Variants in CDH20 observed in about 807,000 individuals in gnomAD.
CDH20 encodes cadherin-20.
Under a neutral mutation model 74.2 loss-of-function variants are expected in CDH20, and 29 were observed. The ratio of observed to expected loss-of-function variants is 0.39; its 90% CI spans 0.29 to 0.53. CDH20 has a LOEUF of 0.53. Ranked by LOEUF, CDH20 falls within the 20% of genes least tolerant of loss-of-function variation. The probability of loss-of-function intolerance (pLI) is 0.69; values close to 1 mark genes in which losing one functional copy is unlikely to be tolerated. For missense variants in CDH20, 988 were observed against 1,048.3 expected, an observed-to-expected ratio of 0.94 and a Z score of 0.79; for synonymous variants, 469 against 405.4, an observed-to-expected ratio of 1.16 and a Z score of -1.88.
intron 8 of CDH20, among the ~76,000 whole-genome samples, chr18:61,537,251 C>A (rs1021860347): frequency 6.6e-6 from 1 of 151,776 alleles, no homozygotes; most frequent in Non-Finnish European, 1.5e-5. Flanking sequence ...AACTAAACAG[C>A]CATTCAGGAG....
At chr18:61,424,170 G>T (rs2144280082) in intron 1 of CDH20, among the ~76,000 whole-genome samples, 1 of 152,306 alleles carries the variant, frequency 6.6e-6, no homozygotes, top group South Asian at 2.1e-4. Context: ...TTGAACCAGA[G>T]CAATTATGAT....
chr18:61,345,224 C>T (rs1345684748), intron 1 of CDH20, among the ~76,000 whole-genome samples: 3 of 152,176 alleles, frequency 2.0e-5, no homozygotes, highest in East Asian at 3.9e-4. Context: ...TGCACTTAAA[C>T]GTTTATGGAA....
At chr18:61,463,361 A>G (rs1381803861) in intron 1 of CDH20, among the ~76,000 whole-genome samples, 1 of 152,178 alleles carries the variant, frequency 6.6e-6, no homozygotes, top group Non-Finnish European at 1.5e-5. Context: ...GGTCTGTGTG[A>G]ATCTCTAAAT....
chr18:61,495,555 C>A lies in CDH20; in HGVS notation c.247-3631C>A, dbSNP rs1006015849. Among the ~76,000 whole-genome samples, 5 of 152,178 alleles carry A rather than the reference C, an allele frequency of 3.3e-5. No homozygotes were observed. In the South Asian group the frequency reaches 6.2e-4, roughly 19 times the overall value. The stretch of plus-strand genomic sequence containing the variant: ...GAGGAGTGACTTGCTCCTCATCACA[C>A]CTACTTCTAAGAGGTCTGAGTCCCA... On this transcript the variant is annotated intron_variant, in intron 2 of 11. Transcript: ENST00000262717.
At chr18:61,423,048 T>C (rs73963092) in intron 1 of CDH20, among the ~76,000 whole-genome samples, 2,405 of 152,332 alleles carry the variant, frequency 0.016, 59 homozygotes, top group African/African-American at 0.055. Context: ...TTTATCATTG[T>C]CAGTTGGTTT....
At chr18:61,358,450 G>A (rs1317575556) in intron 1 of CDH20, among the ~76,000 whole-genome samples, 1 of 152,014 alleles carries the variant, frequency 6.6e-6, no homozygotes, top group Non-Finnish European at 1.5e-5. Context: ...AGCATTTCTT[G>A]ATATTTGAAA....
At position 61,555,082 on chromosome 18, in the gene CDH20, C is replaced by T; in HGVS notation, c.*387C>T. On this transcript the variant is annotated 3_prime_UTR_variant, in exon 12 of 12. Transcript: ENST00000262717. ...AGATGCCAATTGAAAGCAGAAAGTT[C>T]TACTCTCGTATCTGTTTTTTATCTT... is the stretch of plus-strand genomic sequence containing the variant. 9.5e-7 allele frequency: 1 copy of T among 1,048,218 alleles called. No individual in the cohort carries two copies. Among genetic ancestry groups the T allele is most frequent in the Non-Finnish European group, 1.1e-6 (1 of 870,012 alleles). 64.9% of individuals were successfully genotyped at this position (1,048,218 alleles called of 1,614,324 possible). A position where few individuals can be genotyped will look rare whatever the true frequency, so the allele number is the denominator to read the frequency against.
At chr18:61,337,855 G>A (rs146488905) in intron 1 of CDH20, among the ~76,000 whole-genome samples, 51 of 152,172 alleles carry the variant, frequency 3.4e-4, no homozygotes, top group African/African-American at 7.2e-4. Context: ...ATATTGACAC[G>A]GAATATAGAG....
chr18:61,450,591 G>T (rs911076627), intron 1 of CDH20, among the ~76,000 whole-genome samples: 1 of 151,934 alleles, frequency 6.6e-6, no homozygotes, highest in Non-Finnish European at 1.5e-5. Flanking sequence ...TAGAGGTAAT[G>T]CATGTTCACT....
chr18:61,393,172 C>T (rs1034374905), intron 1 of CDH20, among the ~76,000 whole-genome samples: 1 of 152,180 alleles, frequency 6.6e-6, no homozygotes, highest in Non-Finnish European at 1.5e-5. Flanking sequence ...AAGATAGTCT[C>T]ACTTTCCTGA....
At chr18:61,509,224 AAAAC>A (rs1911692493) in intron 6 of CDH20, among the ~76,000 whole-genome samples, 1 of 152,194 alleles carries the variant, frequency 6.6e-6, no homozygotes, top group African/African-American at 2.4e-5. Context: ...AACTTATAGA[AAAAC>A]AAAATTAAAT....
rs781286742 is a variant in CDH20 at position 61,554,696 on chromosome 18, C to A, written c.*1C>A. On this transcript the variant is annotated 3_prime_UTR_variant, in exon 12 of 12. Transcript: ENST00000262717. The stretch of plus-strand genomic sequence containing the variant: ...GGAGGGACCCGCGCCGCTGTGGTGA[C>A]GGAAGCCAGGAGGCAGGCGCGCGTC... The A allele has an allele frequency of 1.9e-6, 3 of 1,557,896 alleles. No homozygotes were observed. Among genetic ancestry groups the A allele is most frequent in the East Asian group, 2.3e-5 (1 of 43,258 alleles).
At chr18:61,519,915 G>C (rs1912133259) in intron 6 of CDH20, among the ~76,000 whole-genome samples, 1 of 144,550 alleles carries the variant, frequency 6.9e-6, no homozygotes, top group Admixed American at 7.0e-5. Flanking sequence ...CAAAATAAAG[G>C]GATGGAGGAA....
At chr18:61,524,968 A>C (rs1184963677) in intron 6 of CDH20, among the ~76,000 whole-genome samples, 10 of 151,962 alleles carry the variant, frequency 6.6e-5, no homozygotes. Context: ...TCTCAAATGC[A>C]TCATGCTAAG....
intron 1 of CDH20, among the ~76,000 whole-genome samples, chr18:61,392,937 G>A (rs1482256943): frequency 2.0e-5 from 3 of 152,104 alleles, no homozygotes; most frequent in Non-Finnish European, 2.9e-5. Context: ...AGAAACAAGA[G>A]GGCAGTCTCA....
intron 1 of CDH20, among the ~76,000 whole-genome samples, chr18:61,463,536 A>C (rs1321992326): frequency 6.6e-6 from 1 of 152,144 alleles, no homozygotes; most frequent in Non-Finnish European, 1.5e-5. Flanking sequence ...AGGGCATAAG[A>C]GGGGTGAAGG....
chr18:61,354,052 AAAG>A (rs1484092727), intron 1 of CDH20, among the ~76,000 whole-genome samples: 1 of 147,152 alleles, frequency 6.8e-6, no homozygotes, highest in Non-Finnish European at 1.6e-5. Flanking sequence ...AAAAAAAAAA[AAAG>A]AAAAAGAAAA....
At chr18:61,515,360 C>T (rs1263280773) in intron 6 of CDH20, among the ~76,000 whole-genome samples, 4 of 152,050 alleles carry the variant, frequency 2.6e-5, no homozygotes, top group Non-Finnish European at 5.9e-5. Context: ...TGCTTCGGCT[C>T]GCGCACGGTG....
At chr18:61,521,661 G>A (rs554803228) in intron 6 of CDH20, among the ~76,000 whole-genome samples, 2 of 151,486 alleles carry the variant, frequency 1.3e-5, no homozygotes, top group East Asian at 3.9e-4. Flanking sequence ...GAACATCGAT[G>A]TGAAAATCCT....
Sources: gnomAD v4.1 joint callset for allele counts (sites outside exome capture counted in the v4.1 genomes callset) on GRCh38, gnomAD v4.1.1 for gene constraint, MANE v1.5 for transcripts, NCBI Gene and HGNC (gene_info 2026-07-23, HGNC 2026-07-21) for gene names.